IFT27: variants seen among roughly 807,000 people sequenced by gnomAD.
IFT27 encodes the protein intraflagellar transport 27.
IFT27 carries 19 observed loss-of-function variants against 23.9 expected under a neutral mutation model. That is an observed-to-expected ratio of 0.79 (90% CI 0.55 to 1.16). The LOEUF (loss-of-function observed/expected upper bound fraction) is 1.16. Among genes scored for constraint, IFT27 ranks in the 50% most tolerant of loss-of-function variants. The pLI is 0.00. For synonymous variants in IFT27, 91 were observed against 89.1 expected (o/e 1.02, Z -0.12); for missense variants, 206 against 228.7 (o/e 0.90, Z 0.64).
chr22:36,766,322 C>T, intron 3 of IFT27, 125 bp from the exon 4 acceptor site: 1 of 752,774 alleles, frequency 1.3e-6, no homozygotes, highest in South Asian at 1.5e-5. Flanking sequence ...CATCTTCACA[C>T]ATGCTCTGTC....
chr22:36,767,988 A>T, intron 1 of IFT27, 126 bp from the exon 2 acceptor site: 1 of 898,142 alleles, frequency 1.1e-6, no homozygotes, highest in Non-Finnish European at 1.9e-6. Flanking sequence ...CTTGCCTCTC[A>T]CGGGAACTTG....
At chr22:36,763,247 T>C in intron 5 of IFT27, 1 of 428,216 alleles carries the variant, frequency 2.3e-6, no homozygotes. Context: ...GGTCTTTTTC[T>C]AGACCTCACG....
At chr22:36,772,442 C>T (rs1049816365) in intron 1 of IFT27, 1 of 915,178 alleles carries the variant, frequency 1.1e-6, no homozygotes. Context: ...ATGCACAGTG[C>T]CTGGCATATA....
chr22:36,764,322 G>A lies in IFT27; in HGVS notation c.235-286C>T, dbSNP rs73154864. On this transcript the variant is annotated intron_variant, in intron 4 of 6. Transcript: ENST00000433985. ...GCCTCACTGTGAAACCTCCCAACTC[G>A]GTAGAGTGTCTGAATATTTCCACTT... 2.4e-3 allele frequency among the ~76,000 whole-genome samples: 370 copies of A among 152,382 alleles called. 1 individual carries two copies. Among genetic ancestry groups the A allele is most frequent in the Non-Finnish European group, 3.5e-3 (236 of 68,032 alleles).
chr22:36,770,169 G>T (rs1442291955), intron 1 of IFT27, among the ~76,000 whole-genome samples: 3 of 152,194 alleles, frequency 2.0e-5, no homozygotes, highest in Non-Finnish European at 4.4e-5. Context: ...AGGACAGAGA[G>T]GATGACGTCT....
rs541750862 is a variant in IFT27 at position 36,758,533 on chromosome 22, C to T, written c.463-124G>A. 2.0e-4 allele frequency: 143 copies of T among 710,082 alleles called. 1 individual carries two copies. Among genetic ancestry groups the T allele is most frequent in the South Asian group, 1.9e-3 (111 of 58,966 alleles). 44.0% of individuals were successfully genotyped at this position (710,082 alleles called of 1,614,324 possible). A position where few individuals can be genotyped will look rare whatever the true frequency, so the allele number is the denominator to read the frequency against. On this transcript the variant is annotated intron_variant, in intron 6 of 6. Coordinates refer to ENST00000433985, the MANE Select transcript of IFT27 (RefSeq NM_001177701.3). ...CACCTCATTTCATCTTCACGCCCTTCGAGGTAGCCACTTTCATGGATGCCA... is the reference window on the plus strand; with the variant it reads ...CACCTCATTTCATCTTCACGCCCTTTGAGGTAGCCACTTTCATGGATGCCA...
At chr22:36,765,591 C>T (rs1016846905) in intron 4 of IFT27, among the ~76,000 whole-genome samples, 1 of 152,142 alleles carries the variant, frequency 6.6e-6, no homozygotes, top group African/African-American at 2.4e-5. Flanking sequence ...CTAATTAGCT[C>T]ACTGGCCCAG....
intron 6 of IFT27, chr22:36,758,792 C>T: frequency 4.9e-6 from 1 of 204,270 alleles, no homozygotes; most frequent in South Asian, 7.2e-5. Flanking sequence ...GAACCTGGAG[C>T]CCCCCATCCC....
chr22:36,766,631 G>A (rs1387175519), intron 3 of IFT27, among the ~76,000 whole-genome samples: 2 of 152,196 alleles, frequency 1.3e-5, no homozygotes, highest in African/African-American at 2.4e-5. Flanking sequence ...CCTGGGGAAG[G>A]TGTTTAAAGT....
chr22:36,765,880 C>A (rs957714523), intron 4 of IFT27, among the ~76,000 whole-genome samples: 1 of 152,234 alleles, frequency 6.6e-6, no homozygotes, highest in Non-Finnish European at 1.5e-5. Context: ...GGGAGGGCTG[C>A]AAGGACCGAG....
chr22:36,770,458 C>T (rs1462292398), intron 1 of IFT27, among the ~76,000 whole-genome samples: 1 of 152,176 alleles, frequency 6.6e-6, no homozygotes, highest in Admixed American at 6.5e-5. Context: ...CTCTCATCAC[C>T]TTGACAGAAG....
chr22:36,774,634 C>T (rs984891553), intron 1 of IFT27, among the ~76,000 whole-genome samples: 2 of 139,382 alleles, frequency 1.4e-5, no homozygotes, highest in Admixed American at 1.5e-4. Flanking sequence ...ATGGTGAAAC[C>T]CCAGCTCTAT....
intron 5 of IFT27, 82 bp downstream of exon 5, chr22:36,763,837 C>T: frequency 9.7e-7 from 1 of 1,026,804 alleles, no homozygotes; most frequent in Non-Finnish European, 1.5e-6. Context: ...TCTCCACCCA[C>T]AGCTACCTCT....
In IFT27 at chr22:36,766,180, G is replaced by A; in HGVS notation, c.192C>T (p.Asp64=). ...TGDSVELFIF[D]SAGKELFSEM... is the part of the protein sequence containing the mutation. Reference sequence around the variant, plus strand: ...CCGAAAACAGCTCCTTGCCAGCAGAGTCAAAAATGAAGAGTTCCTACAATC... The same window carrying A: ...CCGAAAACAGCTCCTTGCCAGCAGAATCAAAAATGAAGAGTTCCTACAATC... The change falls in exon 4 of 7, where the codon GAC becomes GAT. Residue 64 remains aspartate (D), a synonymous_variant. Transcript: ENST00000433985. 6.2e-7 allele frequency: 1 copy of A among 1,614,120 alleles called. No homozygotes were observed. The highest frequency in any genetic ancestry group is 1.1e-5 in the South Asian group (1 of 91,086).
chr22:36,758,284 T>C lies in IFT27; in HGVS notation c.*27A>G. ...GCAGAGGTAATTCTGTCTTCTCCGGTTGTGCAGCACGATCTGCTCCAGCTC... is the reference window on the plus strand; with the variant it reads ...GCAGAGGTAATTCTGTCTTCTCCGGCTGTGCAGCACGATCTGCTCCAGCTC... On this transcript the variant is annotated 3_prime_UTR_variant, in exon 7 of 7. Coordinates refer to ENST00000433985, the MANE Select transcript of IFT27 (RefSeq NM_001177701.3). 1 of 1,532,918 alleles carries C rather than the reference T, an allele frequency of 6.5e-7. No homozygotes were observed. The highest frequency in any genetic ancestry group is 9.0e-7 in the Non-Finnish European group (1 of 1,105,986). 95.0% of individuals were successfully genotyped at this position (1,532,918 alleles called of 1,614,324 possible).
chr22:36,775,274 T>C (rs1192906819), intron 1 of IFT27, among the ~76,000 whole-genome samples: 2 of 152,096 alleles, frequency 1.3e-5, no homozygotes, highest in Non-Finnish European at 2.9e-5. Context: ...AATCCCATAG[T>C]AAAGACTACC....
chr22:36,758,585 A>C (rs1006153657), intron 6 of IFT27, 176 bp from the exon 7 acceptor site: 3 of 605,302 alleles, frequency 5.0e-6, no homozygotes, highest in African/African-American at 3.7e-5. Context: ...ACTCAGATGG[A>C]GTCAGGTAAC....
intron 6 of IFT27, chr22:36,761,488 G>C (rs778230317): frequency 5.9e-5 from 9 of 152,166 alleles, no homozygotes; most frequent in Non-Finnish European, 1.5e-5. Flanking sequence ...TGAATACAAG[G>C]ATTTAGTAAG....
Position 36,763,014 on chromosome 22 carries a change from C to A in IFT27, c.353-1G>T. On this transcript the variant is annotated splice_acceptor_variant, in intron 5 of 6. Transcript: ENST00000433985. LOFTEE classifies it high-confidence loss of function. ...TCTGTCTTGTTCCCAACTAAAACAC[C>A]TACTCAGAAGAAACAACCAAAATAT... The A allele has an allele frequency of 6.3e-7, 1 of 1,592,916 alleles. No individual in the cohort carries two copies. The highest frequency in any genetic ancestry group is 8.6e-7 in the Non-Finnish European group (1 of 1,167,254).
Sources: allele counts gnomAD v4.1 joint callset (sites outside exome capture counted in the v4.1 genomes callset), GRCh38; gene constraint gnomAD v4.1.1; transcripts MANE v1.5; gene names NCBI Gene and HGNC (gene_info 2026-07-23, HGNC 2026-07-21).